The following BCOR variants were observed in gnomAD, a reference collection of about 807,000 sequenced individuals.
BCOR encodes BCL-6 corepressor.
A neutral mutation model predicts 86.7 loss-of-function variants in BCOR; 10 were observed. The ratio of observed to expected loss-of-function variants is 0.12; its 90% CI spans 0.07 to 0.20. BCOR has a LOEUF of 0.20. Among genes scored for constraint, BCOR ranks in the 10% least tolerant of loss-of-function variants. BCOR has a pLI of 1.00. For missense variants in BCOR, 1,259 were observed against 1,452.1 expected, an observed-to-expected ratio of 0.87 and a Z score of 2.16; for synonymous variants, 611 against 609.0, an observed-to-expected ratio of 1.00 and a Z score of -0.05.
At chrX:40,157,425 G>T (rs1938320415) in intron 1 of BCOR, among the ~76,000 whole-genome samples, 1 of 112,345 alleles carries the variant, frequency 8.9e-6, no homozygotes, top group African/African-American at 3.2e-5. Context: ...GTAAAGGCTG[G>T]TGTGGCTGCT....
intron 6 of BCOR, among the ~76,000 whole-genome samples, chrX:40,065,974 G>C (rs1935181305): frequency 9.0e-6 from 1 of 111,072 alleles, no homozygotes; most frequent in South Asian, 4.0e-4. Flanking sequence ...CAGGGGTGTT[G>C]GCTAGCCTGT....
Position 40,076,966 on chromosome X carries a change from C to T in BCOR, c.87-434G>A, listed in dbSNP as rs1469077202. 4 of 313,888 alleles carry T rather than the reference C, an allele frequency of 1.3e-5. No individual in the cohort carries two copies. The East Asian group carries it at 4.0e-4, about 31-fold the overall frequency. The allele number at this position is 313,888 out of a possible 1,213,427, so 25.9% of individuals were successfully genotyped here. ...GCTGGAAGGCTGGTCGTGTCATCAA[C>T]CACTTCCGTGTTACCCAGGAGGGTA... On this transcript the variant is annotated intron_variant, in intron 2 of 14. Transcript: ENST00000378444.
At chrX:40,088,508 C>A (rs1416306724) in intron 1 of BCOR, among the ~76,000 whole-genome samples, 1 of 111,081 alleles carries the variant, frequency 9.0e-6, no homozygotes, top group African/African-American at 3.3e-5. Context: ...GGAGGGAGGG[C>A]TCCTGTTTCA....
chrX:40,078,231 A>AG (rs1439015798), intron 1 of BCOR, among the ~76,000 whole-genome samples: 1 of 112,730 alleles, frequency 8.9e-6, no homozygotes, highest in East Asian at 2.8e-4. Flanking sequence ...TCCAAGGCAC[A>AG]GAACACATTC....
rs1014483521 is a variant in BCOR at position 40,052,076 on chromosome X, T to C, written c.*33A>G. 1.7e-6 allele frequency: 2 copies of C among 1,145,209 alleles called. No individual in the cohort carries two copies. The highest frequency in any genetic ancestry group is 2.3e-6 in the Non-Finnish European group (2 of 855,265). 94.4% of individuals were successfully genotyped at this position (1,145,209 alleles called of 1,213,427 possible). On this transcript the variant is annotated 3_prime_UTR_variant, in exon 15 of 15. Transcript: ENST00000378444. ...GACACATATGCACAAGGATTAACAC[T>C]ATAACACACTGTACATGGTGGGTCC... is the stretch of plus-strand genomic sequence containing the variant.
chrX:40,110,707 T>C (rs1602230649), intron 1 of BCOR, among the ~76,000 whole-genome samples: 1 of 40,251 alleles, frequency 2.5e-5, no homozygotes, highest in Admixed American at 3.1e-4. Context: ...TTTTTTTTTT[T>C]TTTTTTTTTT....
chrX:40,071,978 C>A, intron 4 of BCOR: 1 of 390,238 alleles, frequency 2.6e-6, no homozygotes. Context: ...CACATCTCTA[C>A]CAGGTATCAA....
chrX:40,072,472 C>T lies in BCOR; in HGVS notation c.2874G>A (p.Lys958=), dbSNP rs1482104367. The change falls in exon 4 of 15, where the codon AAG becomes AAA. Residue 958 remains lysine, a synonymous_variant. Coordinates refer to ENST00000378444, the MANE Select transcript of BCOR (RefSeq NM_001123385.2). ...ESNDGKVLKP[K]PSKLAKRIAN... ...CGATTCTCTTTGCCAGCTTAGATGG[C>T]TTCGGTTTCAGAACTTTGCCATCAT... is the stretch of plus-strand genomic sequence containing the variant. 2 of 1,210,250 alleles carry T rather than the reference C, an allele frequency of 1.7e-6. No homozygotes were observed. The highest frequency in any genetic ancestry group is 3.5e-5 in the African/African-American group (2 of 57,227).
chrX:40,163,445 C>A (rs767265565), intron 1 of BCOR, among the ~76,000 whole-genome samples: 110 of 110,989 alleles, frequency 9.9e-4, no homozygotes, highest in African/African-American at 3.3e-3. Flanking sequence ...TCTCTGAGTC[C>A]CCCTGCCCCC....
intron 1 of BCOR, among the ~76,000 whole-genome samples, chrX:40,127,170 G>C (rs1031788054): frequency 8.9e-6 from 1 of 112,330 alleles, no homozygotes; most frequent in Non-Finnish European, 1.9e-5. Context: ...AAGTGACACT[G>C]TGTGACTTCT....
At position 40,097,272 on chromosome X, in the gene BCOR, TCCC is replaced by T. The variant is rs1211462547; in HGVS notation, c.-101_-99del. 1.2e-5 allele frequency: 1 copy of T among 80,299 alleles called. No individual in the cohort carries two copies. The highest frequency in any genetic ancestry group is 4.9e-5 in the African/African-American group (1 of 20,290). 6.6% of individuals were successfully genotyped at this position (80,299 alleles called of 1,213,427 possible). A position where few individuals can be genotyped will look rare whatever the true frequency, so the allele number is the denominator to read the frequency against. On this transcript the variant is annotated 5_prime_UTR_variant, in exon 1 of 15. Coordinates refer to ENST00000378444, the MANE Select transcript of BCOR (RefSeq NM_001123385.2). ...CCTGCGATCCGGCTCTTTGAAGTTTTCCCCCAAGCGGACTCGAGGCGGCGAGAA... is the reference window on the plus strand; with the variant it reads ...CCTGCGATCCGGCTCTTTGAAGTTTTCCAAGCGGACTCGAGGCGGCGAGAA...
chrX:40,052,491 G>A, intron 14 of BCOR, 91 bp from the exon 15 acceptor site: 1 of 830,181 alleles, frequency 1.2e-6, no homozygotes, highest in Non-Finnish European at 1.8e-6. Context: ...AAGTGGACCA[G>A]CCTCTATGTC....
chrX:40,096,183 C>T (rs763897147), intron 1 of BCOR, among the ~76,000 whole-genome samples: 2 of 112,535 alleles, frequency 1.8e-5, no homozygotes, highest in African/African-American at 6.5e-5. Flanking sequence ...TTGCCACACG[C>T]CCTCCGAGTG....
upstream of BCOR, among the ~76,000 whole-genome samples, chrX:40,100,790 G>T (rs974939008): frequency 2.8e-5 from 3 of 108,853 alleles, no homozygotes; most frequent in African/African-American, 1.0e-4. Flanking sequence ...CGAAGGGGCC[G>T]AGGGGAGGGC....
At chrX:40,163,949 G>C (rs894184800) in intron 1 of BCOR, among the ~76,000 whole-genome samples, 6 of 109,081 alleles carry the variant, frequency 5.5e-5, no homozygotes, top group Non-Finnish European at 1.1e-4. Context: ...TCTTGAACCT[G>C]GAAGGCGGAG....
intron 1 of BCOR, among the ~76,000 whole-genome samples, chrX:40,172,357 C>T (rs922348107): frequency 9.8e-5 from 11 of 112,604 alleles, no homozygotes; most frequent in Middle Eastern, 4.2e-3. Context: ...GATGGGAACC[C>T]ACAAGCCTGA....
intron 1 of BCOR, among the ~76,000 whole-genome samples, chrX:40,081,493 G>A (rs1030873041): frequency 6.2e-5 from 7 of 112,503 alleles, no homozygotes; most frequent in Admixed American, 1.9e-4. Flanking sequence ...CCTTGGCAGC[G>A]GAACACTGTG....
intron 1 of BCOR, among the ~76,000 whole-genome samples, chrX:40,132,470 G>A (rs1478289739): frequency 9.0e-6 from 1 of 111,070 alleles, no homozygotes; most frequent in Non-Finnish European, 1.9e-5. Flanking sequence ...GTAGAGACAG[G>A]GTCTCCCCAT....
At chrX:40,116,911 A>C (rs1265055156) in intron 1 of BCOR, among the ~76,000 whole-genome samples, 1 of 112,271 alleles carries the variant, frequency 8.9e-6, no homozygotes, top group Non-Finnish European at 1.9e-5. Context: ...CCACAGACAG[A>C]AGGTGGTCAT....
Sources: gnomAD v4.1 joint callset for allele counts (sites outside exome capture counted in the v4.1 genomes callset) on GRCh38, gnomAD v4.1.1 for gene constraint, MANE v1.5 for transcripts, NCBI Gene and HGNC (gene_info 2026-07-23, HGNC 2026-07-21) for gene names.